RNF17: variants seen among roughly 807,000 people sequenced by gnomAD.
The protein encoded by RNF17 is ring finger protein 17, also known as spermatogenesis associated 23.
Under a neutral mutation model 200.5 loss-of-function variants are expected in RNF17, and 31 were observed. The ratio of observed to expected loss-of-function variants is 0.15; its 90% confidence interval spans 0.12 to 0.21. The LOEUF (loss-of-function observed/expected upper bound fraction) is 0.21. RNF17 is among the 10% of genes least tolerant of loss of function. RNF17 has a pLI of 1.00. For synonymous variants in RNF17, 606 were observed against 637.8 expected (o/e 0.95, Z 0.75); for missense variants, 1,628 against 1,905.1 (o/e 0.85, Z 2.71).
At chr13:24,765,447 A>G (rs1343665353) in intron 1 of RNF17, among the ~76,000 whole-genome samples, 2 of 152,176 alleles carry the variant, frequency 1.3e-5, no homozygotes, top group African/African-American at 2.4e-5. Context: ...TATACTTTCA[A>G]AGTTAAGGTC....
At chr13:24,799,367 A>G (rs1244571426) in intron 11 of RNF17, 28 bp from the exon 12 acceptor site, 1 of 1,546,808 alleles carries the variant, frequency 6.5e-7, no homozygotes. Flanking sequence ...ATAAATGTTT[A>G]TAACGATTTG....
At chr13:24,806,856 T>A (rs1228987963) in intron 15 of RNF17, among the ~76,000 whole-genome samples, 1 of 145,178 alleles carries the variant, frequency 6.9e-6, no homozygotes, top group Non-Finnish European at 1.5e-5. Flanking sequence ...TGTCCATGTG[T>A]TCTCATTGTT....
the RNF17 span, chr13:24,750,712 C>G: frequency 6.6e-6 from 1 of 152,130 alleles, no homozygotes; most frequent in African/African-American, 2.4e-5. Flanking sequence ...GTTTTTTATA[C>G]TGAAACAGTC....
Position 24,764,284 on chromosome 13 carries a change from C to G in RNF17, c.81C>G (p.Ala27=), listed in dbSNP as rs764753651. The G allele has an allele frequency of 6.2e-7, 1 of 1,611,280 alleles. No homozygotes were observed. The highest frequency in any genetic ancestry group is 1.1e-5 in the South Asian group (1 of 90,876). ...GGAGGAAGAGTCAGCCCTGGGGTGC[C>G]GCTGAAATCCAGTGCACCAGGTGTG... ...RMGRKSQPWG[A]AEIQCTRCGR... is the part of the protein sequence containing the mutation. The change falls in exon 1 of 36, where the codon GCC becomes GCG. Residue 27 remains alanine (A), a synonymous_variant. Coordinates refer to ENST00000255324, the MANE Select transcript of RNF17 (RefSeq NM_031277.3).
chr13:24,779,598 A>G (rs1882074393), intron 4 of RNF17, 69 bp from the exon 5 acceptor site: 4 of 1,252,950 alleles, frequency 3.2e-6, no homozygotes, highest in Non-Finnish European at 4.6e-6. Flanking sequence ...TTTTGCAACT[A>G]TAATATATAT....
chr13:24,797,705 A>AGTGTGTGTGTGTGTGTGTGT lies in RNF17; in HGVS notation c.1399+1431_1399+1450dup, dbSNP rs777888152. On this transcript the variant is annotated intron_variant, in intron 11 of 35. Transcript: ENST00000255324. Reference sequence around the variant, plus strand: ...GAGAGAGAGAGAGAGAGAGACAAAGAGTGTGTGTGTGTGTGTGTGTGTGTG... The same window carrying AGTGTGTGTGTGTGTGTGTGT: ...GAGAGAGAGAGAGAGAGAGACAAAGAGTGTGTGTGTGTGTGTGTGTGTGTGTGTGTGTGTGTGTGTGTGTG... 5.0e-3 allele frequency among the ~76,000 whole-genome samples: 596 copies of AGTGTGTGTGTGTGTGTGTGT among 119,024 alleles called. 10 individuals are homozygous for AGTGTGTGTGTGTGTGTGTGT. The highest frequency in any genetic ancestry group is 8.2e-3 in the Middle Eastern group (2 of 244). The allele number at this position is 119,024 out of a possible 152,430, so 78.1% of individuals were successfully genotyped here.
rs144838714 is a variant in RNF17, at chr13:24,828,706, T to A, written c.2246-1778T>A. 1.0e-2 allele frequency among the ~76,000 whole-genome samples: 1,522 copies of A among 152,202 alleles called. 37 individuals are homozygous for A. Among genetic ancestry groups the A allele is most frequent in the African/African-American group, 0.034 (1,408 of 41,492 alleles). On this transcript the variant is annotated intron_variant, in intron 16 of 35. Transcript: ENST00000255324. The stretch of plus-strand genomic sequence containing the variant: ...ATTCTATTGTGAGTTCATAATTATG[T>A]TCACTTTTCACTTTATTTTCTTTTA...
chr13:24,867,550 T>C (rs947426926), intron 30 of RNF17, among the ~76,000 whole-genome samples: 1 of 152,182 alleles, frequency 6.6e-6, no homozygotes. Context: ...TTTGCTGAAT[T>C]TTCCTAGGTT....
downstream of RNF17, chr13:24,883,433 A>T: frequency 7.5e-7 from 1 of 1,330,628 alleles, no homozygotes; most frequent in Non-Finnish European, 1.0e-6. Flanking sequence ...ACAACAGAAA[A>T]ACTACTGAAA....
intron 1 of RNF17, among the ~76,000 whole-genome samples, chr13:24,766,744 T>A (rs573267625): frequency 6.6e-6 from 1 of 152,370 alleles, no homozygotes; most frequent in African/African-American, 2.4e-5. Flanking sequence ...TCCAGCCCAC[T>A]TAACTGTGAT....
intron 16 of RNF17, chr13:24,826,170 G>T: frequency 2.4e-6 from 2 of 835,146 alleles, no homozygotes; most frequent in Non-Finnish European, 2.9e-6. Context: ...TCTTTCCTGG[G>T]AATTATTGAC....
chr13:24,877,732 G>A (rs906258407), intron 34 of RNF17, among the ~76,000 whole-genome samples: 1 of 152,180 alleles, frequency 6.6e-6, no homozygotes, highest in African/African-American at 2.4e-5. Flanking sequence ...GCTCATTATA[G>A]AAAGGCTTGA....
chr13:24,781,585 A>G (rs924848280), intron 5 of RNF17, among the ~76,000 whole-genome samples: 4 of 152,176 alleles, frequency 2.6e-5, no homozygotes, highest in Admixed American at 6.5e-5. Context: ...ACAGTGAGCT[A>G]TGCTCAGCCT....
At position 24,853,899 on chromosome 13, in the gene RNF17, T is replaced by C; in HGVS notation, c.3365T>C (p.Leu1122Pro). The change falls in exon 25 of 36, where the codon CTG (leucine) becomes CCG (proline). Residue 1122 changes from leucine to proline, a missense_variant. Physicochemically the swap from Leu to Pro is moderately conservative, Grantham distance 98 (BLOSUM62 -3). This residue lies in a region of RNF17 where 609 missense variants were observed against 681.9 expected (regional missense o/e 0.89). Coordinates refer to ENST00000255324, the MANE Select transcript of RNF17 (RefSeq NM_031277.3). ...DNSHSLSEKS[L>P]EVPLEQEDSV... Reference sequence around the variant, plus strand: ...AGCCATTCATTATCTGAGAAGTCTCTGGAAGTCCCCCTGGAACAGGAAGAT... The same window carrying C: ...AGCCATTCATTATCTGAGAAGTCTCCGGAAGTCCCCCTGGAACAGGAAGAT... The C allele has an allele frequency of 6.2e-7, 1 of 1,613,414 alleles. No homozygotes were observed. Among genetic ancestry groups the C allele is most frequent in the Non-Finnish European group, 8.5e-7 (1 of 1,179,712 alleles).
intron 16 of RNF17, among the ~76,000 whole-genome samples, chr13:24,828,010 A>C (rs1038468974): frequency 6.6e-6 from 1 of 152,204 alleles, no homozygotes; most frequent in Non-Finnish European, 1.5e-5. Flanking sequence ...AAGTTTCAAC[A>C]TGAATTTTGA....
At chr13:24,750,299 A>G in the RNF17 span, among the ~76,000 whole-genome samples, 1 of 152,204 alleles carries the variant, frequency 6.6e-6, no homozygotes, top group Non-Finnish European at 1.5e-5. Flanking sequence ...TTTTTTATTA[A>G]AACAGCTTTA....
At chr13:24,884,454 CCTT>C (rs1398093655), downstream of RNF17, 1 of 1,614,078 alleles carries the variant, frequency 6.2e-7, no homozygotes, top group East Asian at 2.2e-5. Flanking sequence ...TTCTTATAAA[CCTT>C]TTCCACCTAA....
chr13:24,774,869 G>A lies in RNF17; in HGVS notation c.282G>A (p.Lys94=), dbSNP rs978655016. 1.2e-5 allele frequency: 20 copies of A among 1,611,630 alleles called. No homozygotes were observed. Among genetic ancestry groups the A allele is most frequent in the Admixed American group, 3.3e-5 (2 of 59,962 alleles). The change falls in exon 3 of 36, where the codon AAG becomes AAA. Residue 94 remains lysine (K), a synonymous_variant. Coordinates refer to ENST00000255324, the MANE Select transcript of RNF17 (RefSeq NM_031277.3). ...ACTACCCAATGGCTGGATATATTAA[G>A]GAAGACTCCATAATGGAAAAACTGC... ...QRYYPMAGYI[K]EDSIMEKLQP... is the part of the protein sequence containing the mutation.
In RNF17 at chr13:24,830,432, C is replaced by G. The variant is rs1314570696; in HGVS notation, c.2246-52C>G. 3.6e-6 allele frequency: 4 copies of G among 1,102,228 alleles called. No individual in the cohort carries two copies. The African/African-American group carries it at 4.7e-5, about 13-fold the overall frequency. 68.3% of individuals were successfully genotyped at this position (1,102,228 alleles called of 1,614,324 possible). A position where few individuals can be genotyped will look rare whatever the true frequency, so the allele number is the denominator to read the frequency against. On this transcript the variant is annotated intron_variant, in intron 16 of 35. Coordinates refer to ENST00000255324, the MANE Select transcript of RNF17 (RefSeq NM_031277.3). ...TGGCCATAAACCAATCTAAATTTTT[C>G]TAGATAATTCTGTTTCCAAGTTTGT...
Sources: gnomAD v4.1 joint callset for allele counts (sites outside exome capture counted in the v4.1 genomes callset) on GRCh38, gnomAD v4.1.1 for gene constraint, gnomAD v4.1.1 regional missense constraint, MANE v1.5 for transcripts, NCBI Gene and HGNC (gene_info 2026-07-23, HGNC 2026-07-21) for gene names.